CPE: variants seen among roughly 807,000 people sequenced by gnomAD.
CPE encodes carboxypeptidase E.
CPE carries 17 observed loss-of-function variants against 53.5 expected under a neutral mutation model. The observed-to-expected ratio is 0.32, with a 90% confidence interval of 0.22 to 0.48. The LOEUF (loss-of-function observed/expected upper bound fraction) is 0.48. Ranked by LOEUF, CPE falls within the 20% of genes least tolerant of loss-of-function variation. The probability of loss-of-function intolerance (pLI) is 0.99; values close to 1 mark genes in which losing one functional copy is unlikely to be tolerated. For missense variants in CPE, 524 were observed against 614.7 expected (o/e 0.85, Z 1.56); for synonymous variants, 226 against 228.8 (o/e 0.99, Z 0.11).
intron 3 of CPE, among the ~76,000 whole-genome samples, chr4:165,468,364 C>T (rs1732144682): frequency 6.6e-6 from 1 of 152,138 alleles, no homozygotes; most frequent in Admixed American, 6.5e-5. Flanking sequence ...CCCTCCTTAC[C>T]TGTACTTTCA....
chr4:165,453,443 A>C (rs1731848387), intron 1 of CPE, among the ~76,000 whole-genome samples: 1 of 149,458 alleles, frequency 6.7e-6, no homozygotes, highest in Non-Finnish European at 1.5e-5. Flanking sequence ...TGAGTGCAGT[A>C]GCATGATCAT....
intron 1 of CPE, among the ~76,000 whole-genome samples, chr4:165,413,542 G>A (rs1463142123): frequency 1.4e-5 from 2 of 138,372 alleles, no homozygotes; most frequent in Admixed American, 7.1e-5. Flanking sequence ...GCTGAATTCT[G>A]GCTTTATCAG....
chr4:165,446,283 A>C (rs2126688838), intron 1 of CPE, among the ~76,000 whole-genome samples: 1 of 152,340 alleles, frequency 6.6e-6, no homozygotes, highest in Non-Finnish European at 1.5e-5. Flanking sequence ...TAAGAAATAC[A>C]AGTTTAGACT....
intron 1 of CPE, among the ~76,000 whole-genome samples, chr4:165,434,990 C>T (rs1413711128): frequency 6.6e-6 from 1 of 152,164 alleles, no homozygotes; most frequent in Non-Finnish European, 1.5e-5. Flanking sequence ...GGCTTTCTCT[C>T]TCACCATATG....
chr4:165,399,797 T>C (rs1264626571), intron 1 of CPE, among the ~76,000 whole-genome samples: 1 of 152,066 alleles, frequency 6.6e-6, no homozygotes, highest in East Asian at 1.9e-4. Flanking sequence ...GATTGAAGAA[T>C]GGAGGACACA....
intron 6 of CPE, among the ~76,000 whole-genome samples, chr4:165,492,642 G>A (rs973280356): frequency 6.6e-6 from 1 of 152,150 alleles, no homozygotes; most frequent in African/African-American, 2.4e-5. Context: ...CAAGCAGGGG[G>A]TACGTGACTG....
intron 6 of CPE, among the ~76,000 whole-genome samples, chr4:165,489,417 C>T (rs1391898400): frequency 6.6e-6 from 1 of 152,058 alleles, no homozygotes; most frequent in Non-Finnish European, 1.5e-5. Context: ...GGATAGTGAC[C>T]GTCCTCAGGA....
At chr4:165,486,555 T>C (rs1732508376) in intron 5 of CPE, among the ~76,000 whole-genome samples, 1 of 152,074 alleles carries the variant, frequency 6.6e-6, no homozygotes, top group South Asian at 2.1e-4. Context: ...ATAAGATGAT[T>C]ACAAGATGAA....
intron 1 of CPE, chr4:165,404,760 CCTG>C: frequency 1.3e-6 from 1 of 785,702 alleles, no homozygotes. Context: ...ATGACCTTCC[CCTG>C]CTTGAGACCG....
chr4:165,446,671 G>T, intron 1 of CPE, among the ~76,000 whole-genome samples: 1 of 152,142 alleles, frequency 6.6e-6, no homozygotes, highest in African/African-American at 2.4e-5. Flanking sequence ...TAATAGTTTG[G>T]AAAAAATAAT....
At chr4:165,477,177 T>TCTC (rs3836620) in intron 3 of CPE, among the ~76,000 whole-genome samples, 112,437 of 151,838 alleles carry the variant, frequency 0.74, 42,239 homozygotes, top group African/African-American at 0.84. Flanking sequence ...AGCACTACCT[T>TCTC]CTTCTCCAGC....
At chr4:165,412,817 C>T (rs966243123) in intron 1 of CPE, among the ~76,000 whole-genome samples, 2 of 152,240 alleles carry the variant, frequency 1.3e-5, no homozygotes, top group Non-Finnish European at 2.9e-5. Flanking sequence ...TCATCTTCAC[C>T]TCTTCAATGC....
intron 2 of CPE, 34 bp from the exon 3 acceptor site, chr4:165,467,654 T>G (rs1732130951): frequency 6.4e-7 from 1 of 1,563,504 alleles, no homozygotes. Context: ...AATAAGCAAC[T>G]AATGATTTTT....
chr4:165,496,305 G>A (rs889672770), intron 8 of CPE, among the ~76,000 whole-genome samples: 3 of 152,116 alleles, frequency 2.0e-5, no homozygotes, highest in Non-Finnish European at 2.9e-5. Context: ...TTTTGTTTAT[G>A]TACCCAAAAC....
chr4:165,441,227 A>G (rs1462906354), intron 1 of CPE, among the ~76,000 whole-genome samples: 2 of 152,280 alleles, frequency 1.3e-5, no homozygotes, highest in East Asian at 3.9e-4. Context: ...TAATCTGATG[A>G]ACAGTGAAAG....
chr4:165,422,343 CTATT>C (rs147042394), intron 1 of CPE, among the ~76,000 whole-genome samples: 5,153 of 142,966 alleles, frequency 0.036, 129 homozygotes, highest in East Asian at 0.058. Context: ...TATTTTTTAT[CTATT>C]TAAGGAATCT....
At chr4:165,465,467 C>G (rs1420826214) in intron 2 of CPE, among the ~76,000 whole-genome samples, 2 of 151,950 alleles carry the variant, frequency 1.3e-5, no homozygotes, top group Non-Finnish European at 2.9e-5. Flanking sequence ...TTTTTAGACA[C>G]ATGGGCAACA....
intron 3 of CPE, among the ~76,000 whole-genome samples, chr4:165,470,396 G>A (rs1226894227): frequency 6.6e-6 from 1 of 152,166 alleles, no homozygotes; most frequent in Admixed American, 6.5e-5. Flanking sequence ...TATCGAAGTT[G>A]TATGCATGCT....
At chr4:165,424,769 C>T (rs1285861701) in intron 1 of CPE, among the ~76,000 whole-genome samples, 1 of 152,080 alleles carries the variant, frequency 6.6e-6, no homozygotes. Context: ...CTCCTGACCT[C>T]GTGATCCACC....
Sources: gnomAD v4.1 joint callset for allele counts (sites outside exome capture counted in the v4.1 genomes callset) on GRCh38, gnomAD v4.1.1 for gene constraint, MANE v1.5 for transcripts, NCBI Gene and HGNC (gene_info 2026-07-23, HGNC 2026-07-21) for gene names.